LINGO2: variants seen among roughly 807,000 people sequenced by gnomAD.
The protein encoded by LINGO2 is leucine-rich repeat and immunoglobulin-like domain-containing nogo receptor-interacting protein 2.
LINGO2 carries 14 observed loss-of-function variants against 30.6 expected under a neutral mutation model. The ratio of observed to expected loss-of-function variants is 0.46; its 90% confidence interval spans 0.30 to 0.72. The LOEUF is 0.72. Ranked by LOEUF, LINGO2 falls within the 30% of genes least tolerant of loss-of-function variation. The pLI is 0.07. For missense variants in LINGO2, 729 were observed against 751.7 expected (o/e 0.97, Z 0.35); for synonymous variants, 317 against 288.5 (o/e 1.10, Z -1.00).
chr9:28,708,713 G>A, the LINGO2 span, among the ~76,000 whole-genome samples: 2 of 150,788 alleles, frequency 1.3e-5, no homozygotes, highest in Non-Finnish European at 3.0e-5. Flanking sequence ...CTCCAGATCA[G>A]ATTTCAGAGT....
intron 1 of LINGO2, among the ~76,000 whole-genome samples, chr9:28,603,735 T>A (rs1004257330): frequency 6.6e-6 from 1 of 152,052 alleles, no homozygotes; most frequent in Non-Finnish European, 1.5e-5. Flanking sequence ...GCTGCAAATA[T>A]GCTGGCGATT....
intron 5 of LINGO2, among the ~76,000 whole-genome samples, chr9:27,977,069 A>T (rs1333259808): frequency 6.6e-6 from 1 of 152,052 alleles, no homozygotes; most frequent in East Asian, 1.9e-4. Context: ...GAAGCAAACA[A>T]CTGAACATTC....
chr9:29,131,487 C>T, the LINGO2 span, among the ~76,000 whole-genome samples: 1 of 152,104 alleles, frequency 6.6e-6, no homozygotes, highest in South Asian at 2.1e-4. Context: ...AATCCCCGCT[C>T]TATTTTGGGC....
At chr9:28,738,604 A>T in the LINGO2 span, among the ~76,000 whole-genome samples, 1 of 152,114 alleles carries the variant, frequency 6.6e-6, no homozygotes, top group Non-Finnish European at 1.5e-5. Context: ...TACCAAAAAA[A>T]GTACTCACTA....
chr9:28,053,305 G>C (rs1299409197), intron 4 of LINGO2, among the ~76,000 whole-genome samples: 1 of 152,086 alleles, frequency 6.6e-6, no homozygotes, highest in Non-Finnish European at 1.5e-5. Context: ...GAAACTGCCA[G>C]CAGTTTAGTA....
chr9:28,410,946 G>T (rs10968572), intron 2 of LINGO2, among the ~76,000 whole-genome samples: 1 of 152,064 alleles, frequency 6.6e-6, no homozygotes, highest in African/African-American at 2.4e-5. Flanking sequence ...CTTACCAATT[G>T]CTTTCCCCTC....
At chr9:29,028,427 G>T in the LINGO2 span, among the ~76,000 whole-genome samples, 5 of 123,952 alleles carry the variant, frequency 4.0e-5, no homozygotes, top group Middle Eastern at 4.2e-3. Context: ...TGTGGGGGGG[G>T]GTGAGAGAGA....
chr9:29,209,804 G>T, the LINGO2 span, among the ~76,000 whole-genome samples: 43 of 152,128 alleles, frequency 2.8e-4, no homozygotes, highest in African/African-American at 1.0e-3. Context: ...CTCAGAGGTT[G>T]GTTGAGGGCT....
chr9:28,241,393 T>A (rs1821792469), intron 4 of LINGO2, among the ~76,000 whole-genome samples: 1 of 151,354 alleles, frequency 6.6e-6, no homozygotes, highest in Non-Finnish European at 1.5e-5. Context: ...CCAAACAGTG[T>A]GCAAGTCCTG....
At chr9:28,190,028 C>G (rs1819762778) in intron 4 of LINGO2, among the ~76,000 whole-genome samples, 1 of 152,112 alleles carries the variant, frequency 6.6e-6, no homozygotes, top group Admixed American at 6.6e-5. Flanking sequence ...AATCTTGGGT[C>G]CATGAATCTA....
In LINGO2 at chr9:27,964,387, T is replaced by C. The variant is rs533846101; in HGVS notation, c.-35-13681A>G. Among the ~76,000 whole-genome samples the C allele has an allele frequency of 2.2e-4, 33 of 152,250 alleles. No individual in the cohort carries two copies. In the South Asian group the frequency reaches 4.8e-3, roughly 22 times the overall value. On this transcript the variant is annotated intron_variant, in intron 5 of 5. Coordinates refer to ENST00000379992, the Ensembl canonical transcript of LINGO2. The stretch of plus-strand genomic sequence containing the variant: ...TACCAATTCTGGGGGTAACTGAAGA[T>C]AGTATTTTGGTCTATAATTACTTGG...
chr9:27,959,865 G>C (rs538010636), intron 5 of LINGO2, among the ~76,000 whole-genome samples: 1 of 152,188 alleles, frequency 6.6e-6, no homozygotes, highest in African/African-American at 2.4e-5. Flanking sequence ...TGAGAAATGG[G>C]TATTAAAATC....
the LINGO2 span, among the ~76,000 whole-genome samples, chr9:28,861,218 TA>T: frequency 4.6e-4 from 53 of 114,220 alleles, no homozygotes; most frequent in African/African-American, 1.7e-3. Context: ...TTTTATATAA[TA>T]TTATATAAAT....
chr9:28,591,051 T>C (rs1824877474), intron 1 of LINGO2, among the ~76,000 whole-genome samples: 1 of 151,514 alleles, frequency 6.6e-6, no homozygotes, highest in South Asian at 2.1e-4. Context: ...AGCAAACTAT[T>C]GCAAGGACAA....
chr9:28,771,420 GTCTCCTT>G, the LINGO2 span, among the ~76,000 whole-genome samples: 1 of 146,874 alleles, frequency 6.8e-6, no homozygotes, highest in Admixed American at 6.7e-5. Context: ...TTCTCCCCCT[GTCTCCTT>G]TCTCCTTTCT....
intron 1 of LINGO2, among the ~76,000 whole-genome samples, chr9:28,514,177 G>A (rs1043489100): frequency 4.6e-5 from 7 of 152,072 alleles, no homozygotes; most frequent in Admixed American, 2.6e-4. Flanking sequence ...AGCCATTCCC[G>A]TATCTCTCTC....
intron 1 of LINGO2, among the ~76,000 whole-genome samples, chr9:28,614,514 T>C (rs1826050922): frequency 6.6e-6 from 1 of 152,114 alleles, no homozygotes; most frequent in South Asian, 2.1e-4. Flanking sequence ...GAGGATGTCA[T>C]AGGTAAATAA....
chr9:28,291,583 T>C (rs1823731429), intron 4 of LINGO2, among the ~76,000 whole-genome samples: 1 of 152,214 alleles, frequency 6.6e-6, no homozygotes. Flanking sequence ...GAAATGATTT[T>C]ACAAATTTTA....
At chr9:28,685,759 G>A in the LINGO2 span, among the ~76,000 whole-genome samples, 1 of 152,024 alleles carries the variant, frequency 6.6e-6, no homozygotes, top group Non-Finnish European at 1.5e-5. Context: ...CTACAGATAT[G>A]GAAAAAATTC....
Sources: gnomAD v4.1 joint callset for allele counts (sites outside exome capture counted in the v4.1 genomes callset) on GRCh38, gnomAD v4.1.1 for gene constraint, MANE v1.5 for transcripts, NCBI Gene and HGNC (gene_info 2026-07-23, HGNC 2026-07-21) for gene names.